Variants in PIK3CB observed in about 807,000 individuals in gnomAD.
PIK3CB encodes phosphatidylinositol-4,5-bisphosphate 3-kinase catalytic subunit beta.
Under a neutral mutation model 136.8 loss-of-function variants are expected in PIK3CB, and 39 were observed. The ratio of observed to expected loss-of-function variants is 0.29; its 90% CI spans 0.22 to 0.37. The LOEUF is 0.37. Ranked by LOEUF, PIK3CB falls within the 10% of genes least tolerant of loss-of-function variation. The pLI is 1.00. For missense variants in PIK3CB, 868 were observed against 1,275.4 expected, an observed-to-expected ratio of 0.68 and a Z score of 4.87; for synonymous variants, 428 against 436.6, an observed-to-expected ratio of 0.98 and a Z score of 0.25.
intron 1 of PIK3CB, among the ~76,000 whole-genome samples, chr3:138,802,359 GAC>G (rs1272734286): frequency 2.0e-5 from 3 of 150,252 alleles, no homozygotes; most frequent in Admixed American, 6.7e-5. Flanking sequence ...CAGCCTGTGT[GAC>G]AGAGACTCCA....
rs764766500 is a variant in PIK3CB, at chr3:138,685,635, A to G, written c.2137-832T>C. ...CATCACTCTTGTATGATATCTCAAT[A>G]TATTCTATTTCCATTAACAGCATAG... On this transcript the variant is annotated intron_variant, in intron 16 of 23. Coordinates refer to ENST00000674063, the MANE Select transcript of PIK3CB (RefSeq NM_006219.3). Among the ~76,000 whole-genome samples, 43 of 152,182 alleles carry G rather than the reference A, an allele frequency of 2.8e-4. No individual in the cohort carries two copies. The South Asian group carries it at 3.3e-3, about 12-fold the overall frequency.
At chr3:138,720,483 T>C (rs1439856300) in intron 8 of PIK3CB, among the ~76,000 whole-genome samples, 4 of 152,226 alleles carry the variant, frequency 2.6e-5, no homozygotes, top group Non-Finnish European at 1.5e-5. Flanking sequence ...TGGAAGTCTG[T>C]ATCTTGGATA....
chr3:138,744,506 C>G (rs777462611), intron 4 of PIK3CB, among the ~76,000 whole-genome samples: 1 of 146,606 alleles, frequency 6.8e-6, no homozygotes, highest in Non-Finnish European at 1.5e-5. Context: ...GTTAGTCTTG[C>G]TGTCTCAGGG....
intron 2 of PIK3CB, chr3:138,777,981 A>G (rs111306719): frequency 1.1e-4 from 43 of 390,408 alleles, no homozygotes; most frequent in African/African-American, 8.2e-4. Context: ...GATTCTACCC[A>G]TGGCAAATTC....
intron 1 of PIK3CB, among the ~76,000 whole-genome samples, chr3:138,803,061 A>G (rs938308037): frequency 1.3e-5 from 2 of 152,254 alleles, no homozygotes; most frequent in African/African-American, 4.8e-5. Context: ...GTATGACCAC[A>G]TTAGATCAGA....
chr3:138,730,091 A>G (rs1321309649), intron 8 of PIK3CB, among the ~76,000 whole-genome samples: 4 of 152,188 alleles, frequency 2.6e-5, no homozygotes, highest in African/African-American at 9.6e-5. Context: ...TAATGTACTC[A>G]AATTCAACTA....
intron 21 of PIK3CB, among the ~76,000 whole-genome samples, chr3:138,659,372 G>A (rs1354017874): frequency 6.6e-6 from 1 of 152,026 alleles, no homozygotes; most frequent in Non-Finnish European, 1.5e-5. Context: ...TACTTGACTG[G>A]GCGTGGTGGC....
chr3:138,791,678 A>G (rs1285847402), intron 2 of PIK3CB, among the ~76,000 whole-genome samples: 1 of 152,118 alleles, frequency 6.6e-6, no homozygotes, highest in East Asian at 1.9e-4. Flanking sequence ...AGAACACATC[A>G]AGCACATCCA....
At chr3:138,832,849 AC>A (rs1304175680) in intron 1 of PIK3CB, among the ~76,000 whole-genome samples, 5 of 146,960 alleles carry the variant, frequency 3.4e-5, no homozygotes, top group African/African-American at 5.0e-5. Context: ...AAAAAAAAAA[AC>A]AAAATTGAAA....
rs1223245398 is a variant in PIK3CB, at chr3:138,830,945, T to TAAC, written c.-122+3749_-122+3750insGTT. 2.1e-5 allele frequency among the ~76,000 whole-genome samples: 3 copies of TAAC among 143,358 alleles called. No homozygotes were observed. The East Asian group carries it at 6.0e-4, about 29-fold the overall frequency. The allele number at this position is 143,358 out of a possible 152,430, so 94.0% of individuals were successfully genotyped here. A position where few individuals can be genotyped will look rare whatever the true frequency, so the allele number is the denominator to read the frequency against. On this transcript the variant is annotated intron_variant, in intron 1 of 23. Coordinates refer to ENST00000674063, the MANE Select transcript of PIK3CB (RefSeq NM_006219.3). Reference sequence around the variant, plus strand: ...ATAATAATAATAATAATAATAATAATAATAATAAAGCAGGAACTCACTTTC... The same window carrying TAAC: ...ATAATAATAATAATAATAATAATAATAACAATAATAAAGCAGGAACTCACTTTC...
intron 2 of PIK3CB, among the ~76,000 whole-genome samples, chr3:138,783,038 G>A (rs1323308522): frequency 1.3e-5 from 2 of 152,128 alleles, no homozygotes; most frequent in African/African-American, 4.8e-5. Flanking sequence ...GAAGAGCAGT[G>A]GGGGATATCA....
At chr3:138,772,657 A>G (rs2045813448) in intron 2 of PIK3CB, among the ~76,000 whole-genome samples, 1 of 148,472 alleles carries the variant, frequency 6.7e-6, no homozygotes, top group Non-Finnish European at 1.5e-5. Context: ...TTTTTACTAG[A>G]GACAAGGTTT....
intron 2 of PIK3CB, among the ~76,000 whole-genome samples, chr3:138,774,838 C>T (rs2045839875): frequency 6.6e-6 from 1 of 152,188 alleles, no homozygotes; most frequent in East Asian, 1.9e-4. Context: ...TTAGTTATTT[C>T]TGTCTGCTGT....
chr3:138,661,384 A>G (rs1203465579), intron 21 of PIK3CB, among the ~76,000 whole-genome samples: 1 of 152,090 alleles, frequency 6.6e-6, no homozygotes, highest in Non-Finnish European at 1.5e-5. Context: ...GTACCCCTTT[A>G]CAAGTACTGA....
intron 2 of PIK3CB, among the ~76,000 whole-genome samples, chr3:138,761,858 T>C (rs954189501): frequency 6.6e-6 from 1 of 151,936 alleles, no homozygotes; most frequent in Non-Finnish European, 1.5e-5. Flanking sequence ...AAGAATCACT[T>C]GAACCAGGAA....
At chr3:138,783,698 A>G (rs2045944990) in intron 2 of PIK3CB, among the ~76,000 whole-genome samples, 1 of 152,184 alleles carries the variant, frequency 6.6e-6, no homozygotes, top group African/African-American at 2.4e-5. Context: ...TTCAACAAGC[A>G]GAGTACAGGG....
Position 138,684,803 on chromosome 3 carries a change from C to T in PIK3CB, c.2137G>A (p.Val713Ile). 6.2e-7 allele frequency: 1 copy of T among 1,605,352 alleles called. No individual in the cohort carries two copies. Among genetic ancestry groups the T allele is most frequent in the African/African-American group, 1.3e-5 (1 of 74,458 alleles). Residue 713 changes from valine to isoleucine, a missense_variant and splice_region_variant, in exon 17 of 24, where the codon GTT becomes ATT. Physicochemically the swap from Val to Ile is conservative, Grantham distance 29. Coordinates refer to ENST00000674063, the MANE Select transcript of PIK3CB (RefSeq NM_006219.3). Reference sequence around the variant, plus strand: ...GTTTTTAACTTATTGAGTGCTTCAACCTGAAAAATAAGTTCCCCACACCAA... The same window carrying T: ...GTTTTTAACTTATTGAGTGCTTCAATCTGAAAAATAAGTTCCCCACACCAA... The part of the protein sequence containing the change: ...VGHMKVLSKQ[V>I]EALNKLKTLN...
At chr3:138,688,082 G>A (rs1357781237) in intron 16 of PIK3CB, among the ~76,000 whole-genome samples, 1 of 152,080 alleles carries the variant, frequency 6.6e-6, no homozygotes, top group South Asian at 2.1e-4. Context: ...ATCAGAAAAA[G>A]TTTTTAACAT....
chr3:138,794,556 G>A (rs1188101176), intron 2 of PIK3CB, among the ~76,000 whole-genome samples: 2 of 152,132 alleles, frequency 1.3e-5, no homozygotes, highest in African/African-American at 2.4e-5. Flanking sequence ...CTGTCTATGA[G>A]ATGCAGGATT....
Sources: allele counts gnomAD v4.1 joint callset (sites outside exome capture counted in the v4.1 genomes callset), GRCh38; gene constraint gnomAD v4.1.1; transcripts MANE v1.5; gene names NCBI Gene and HGNC (gene_info 2026-07-23, HGNC 2026-07-21).